Variants in XPA observed in about 807,000 individuals in gnomAD.
XPA encodes XPA, DNA damage recognition and repair factor.
A neutral mutation model predicts 35.7 loss-of-function variants in XPA; 27 were observed. The observed-to-expected ratio is 0.76, with a 90% CI of 0.56 to 1.04. The LOEUF is 1.04. Ranked by LOEUF, XPA falls within the 50% of genes least tolerant of loss-of-function variation. The pLI is 0.00. For synonymous variants in XPA, 133 were observed against 118.4 expected (o/e 1.12, Z -0.80); for missense variants, 354 against 342.7 (o/e 1.03, Z -0.26).
intron 2 of XPA, among the ~76,000 whole-genome samples, chr9:97,691,932 T>G (rs1485533140): frequency 4.1e-5 from 6 of 148,006 alleles, no homozygotes; most frequent in African/African-American, 1.5e-4. Context: ...TAAATAAATT[T>G]TACTAAGAAG....
chr9:97,654,990 TC>T, the XPA span: 4 of 1,398,618 alleles, frequency 2.9e-6, no homozygotes, highest in Non-Finnish European at 3.8e-6. Context: ...AGCTTTTACT[TC>T]CTGTACTTCA....
chr9:97,687,274 T>C lies in XPA; in HGVS notation c.390-13A>G, dbSNP rs373762653. ...ATCATCAGCATCTCTGAAAACAGAT[T>C]AAGTCCATTATATAAATTAGTTATT... On this transcript the variant is annotated splice_polypyrimidine_tract_variant and intron_variant, in intron 3 of 5. Transcript: ENST00000375128. The C allele has an allele frequency of 3.1e-6, 5 of 1,596,484 alleles. No individual in the cohort carries two copies.
chr9:97,670,089 A>C, downstream of XPA: 1 of 329,548 alleles, frequency 3.0e-6, no homozygotes, highest in South Asian at 2.6e-5. Flanking sequence ...CTCCTGCCTG[A>C]TTTTTGTATT....
chr9:97,684,307 A>G (rs969415762), intron 5 of XPA, among the ~76,000 whole-genome samples: 1 of 152,218 alleles, frequency 6.6e-6, no homozygotes, highest in Non-Finnish European at 1.5e-5. Flanking sequence ...ACCTGGATGG[A>G]TAACAGGGAC....
the XPA span, among the ~76,000 whole-genome samples, chr9:97,667,948 G>A: frequency 6.6e-6 from 1 of 152,292 alleles, no homozygotes; most frequent in African/African-American, 2.4e-5. Context: ...GTACCCACGT[G>A]TCTAGAACAT....
intron 4 of XPA, among the ~76,000 whole-genome samples, chr9:97,686,543 G>A (rs1404425764): frequency 1.3e-5 from 2 of 152,048 alleles, no homozygotes; most frequent in Non-Finnish European, 2.9e-5. Context: ...AGGAAACAGG[G>A]CCTGACTCCC....
At chr9:97,689,683 G>A (rs371656120) in intron 2 of XPA, 44 bp from the exon 3 acceptor site, 156 of 1,146,632 alleles carry the variant, frequency 1.4e-4, no homozygotes, top group Middle Eastern at 8.7e-4. Context: ...TTTATGACTA[G>A]AACAATATAT....
At chr9:97,657,450 C>T in the XPA span, among the ~76,000 whole-genome samples, 2 of 152,318 alleles carry the variant, frequency 1.3e-5, no homozygotes, top group Non-Finnish European at 2.9e-5. Context: ...ATTGTTAATG[C>T]TCTTGGTGTG....
At chr9:97,680,062 C>T (rs1435514476) in intron 5 of XPA, among the ~76,000 whole-genome samples, 1 of 152,140 alleles carries the variant, frequency 6.6e-6, no homozygotes, top group African/African-American at 2.4e-5. Context: ...TATGCATCAT[C>T]CTTGAATAAC....
intron 4 of XPA, 117 bp downstream of exon 4, chr9:97,686,979 C>A: frequency 9.6e-7 from 1 of 1,045,802 alleles, no homozygotes; most frequent in Non-Finnish European, 1.4e-6. Flanking sequence ...GAAGCATATG[C>A]AAAACTAGGG....
rs3176691 is a variant in XPA, at chr9:97,685,134, T to G, written c.556-94A>C. The G allele has an allele frequency of 5.8e-3, 5,452 of 942,976 alleles. 41 individuals carry two copies. The highest frequency in any genetic ancestry group is 0.015 in the Admixed American group (697 of 47,600). 58.4% of individuals were successfully genotyped at this position (942,976 alleles called of 1,614,324 possible). The stretch of plus-strand genomic sequence containing the variant: ...CAAATCCAAAGGTACCAAAGAATGA[T>G]CTAACTCAAGTATAAATTTATAAAT... On this transcript the variant is annotated intron_variant, in intron 4 of 5. Transcript: ENST00000375128.
chr9:97,664,808 G>C, the XPA span, among the ~76,000 whole-genome samples: 6,272 of 152,230 alleles, frequency 0.041, 453 homozygotes, highest in African/African-American at 0.14. Flanking sequence ...ATGGCACCTA[G>C]AATGCACACC....
chr9:97,691,913 A>ATATG (rs1214976622), intron 2 of XPA, among the ~76,000 whole-genome samples: 3 of 141,590 alleles, frequency 2.1e-5, no homozygotes, highest in East Asian at 3.9e-4. Flanking sequence ...ATATATATAT[A>ATATG]TATGTAAATA....
intron 5 of XPA, among the ~76,000 whole-genome samples, chr9:97,683,811 C>T (rs1190441826): frequency 6.6e-6 from 1 of 151,812 alleles, no homozygotes; most frequent in African/African-American, 2.4e-5. Context: ...GGCTTACATT[C>T]AATTTTTGGT....
chr9:97,693,761 T>C lies in XPA; in HGVS notation c.173-2A>G, dbSNP rs1468099690. 1 of 1,612,044 alleles carries C rather than the reference T, an allele frequency of 6.2e-7. No individual in the cohort carries two copies. Among genetic ancestry groups the C allele is most frequent in the Non-Finnish European group, 8.5e-7 (1 of 1,179,644 alleles). On this transcript the variant is annotated splice_acceptor_variant, in intron 1 of 5. Transcript: ENST00000375128. LOFTEE classifies it high-confidence loss of function. Reference sequence around the variant, plus strand: ...GGGCTGCTTTTACATTAGCCATGCCTACAAAAGTAAGTAAAAGCAGTCAAC... The same window carrying C: ...GGGCTGCTTTTACATTAGCCATGCCCACAAAAGTAAGTAAAAGCAGTCAAC...
the XPA span, chr9:97,663,180 C>A: frequency 1.6e-5 from 11 of 668,044 alleles, no homozygotes; most frequent in Non-Finnish European, 2.6e-5. Flanking sequence ...AGATCTAATT[C>A]TTTCAGTGCT....
the XPA span, chr9:97,662,900 A>G: frequency 7.5e-7 from 1 of 1,333,186 alleles, no homozygotes; most frequent in Non-Finnish European, 1.1e-6. Context: ...TGAAAACACT[A>G]AAATGTTTAA....
At chr9:97,667,764 T>A in the XPA span, among the ~76,000 whole-genome samples, 61 of 152,344 alleles carry the variant, frequency 4.0e-4, 1 homozygote, top group African/African-American at 1.3e-3. Flanking sequence ...CAATTTAACA[T>A]TCAGTTCTTT....
chr9:97,660,398 C>A, the XPA span, among the ~76,000 whole-genome samples: 1 of 152,046 alleles, frequency 6.6e-6, no homozygotes, highest in African/African-American at 2.4e-5. Context: ...ACAAGGAGTC[C>A]CATCACGTGA....
Sources: gnomAD v4.1 joint callset for allele counts (sites outside exome capture counted in the v4.1 genomes callset) on GRCh38, gnomAD v4.1.1 for gene constraint, MANE v1.5 for transcripts, NCBI Gene and HGNC (gene_info 2026-07-23, HGNC 2026-07-21) for gene names.